The following RTEL1 variants were observed in gnomAD, a reference collection of about 807,000 sequenced individuals.
RTEL1 encodes the protein regulator of telomere elongation helicase 1, also known as regulator of telomere length.
A neutral mutation model predicts 162.2 loss-of-function variants in RTEL1; 86 were observed. That is an observed-to-expected ratio of 0.53 (90% CI 0.45 to 0.63). The LOEUF (loss-of-function observed/expected upper bound fraction) is 0.63, where lower values mean the gene tolerates loss of function less well. RTEL1 is among the 30% of genes least tolerant of loss of function. RTEL1 has a pLI of 0.00. For synonymous variants in RTEL1, 958 were observed against 717.9 expected (o/e 1.33, Z -5.35); for missense variants, 1,941 against 1,750.2 (o/e 1.11, Z -1.95).
At chr20:63,692,605 A>G (rs1223626283) in intron 28 of RTEL1, 200 bp from the exon 29 acceptor site, 1 of 601,592 alleles carries the variant, frequency 1.7e-6, no homozygotes, top group Admixed American at 2.9e-5. Flanking sequence ...TCACTGTGTG[A>G]CCTCAGACGG....
chr20:63,690,705 C>T (rs967005062), intron 26 of RTEL1, 100 bp from the exon 27 acceptor site: 2 of 1,367,652 alleles, frequency 1.5e-6, no homozygotes, highest in Admixed American at 2.6e-5. Flanking sequence ...AGGCAGGACC[C>T]CAAGTGCTGG....
chr20:63,664,721 A>G (rs368361046), intron 6 of RTEL1, among the ~76,000 whole-genome samples: 2 of 152,274 alleles, frequency 1.3e-5, no homozygotes, highest in African/African-American at 4.8e-5. Context: ...CACCGGCCTG[A>G]GCATCTTCAG....
chr20:63,662,702 C>T (rs552804049), intron 5 of RTEL1, 75 bp downstream of exon 5: 161 of 1,602,718 alleles, frequency 1.0e-4, no homozygotes, highest in South Asian at 3.1e-4. Flanking sequence ...CCCCAGGCTG[C>T]GCTCCCGCTG....
intron 24 of RTEL1, 102 bp from the exon 25 acceptor site, chr20:63,689,985 G>A: frequency 6.4e-7 from 1 of 1,558,186 alleles, no homozygotes; most frequent in Non-Finnish European, 8.7e-7. Context: ...GGCTACTCGG[G>A]GTCAGCGTGG....
In RTEL1 at chr20:63,690,926, G is replaced by A. The variant is rs751482700; in HGVS notation, c.2535G>A (p.Ala845=). The A allele has an allele frequency of 1.2e-5, 19 of 1,555,458 alleles. No individual in the cohort carries two copies. The highest frequency in any genetic ancestry group is 2.7e-5 in the African/African-American group (2 of 73,428). Residue 845 remains alanine, a synonymous_variant, in exon 27 of 35, where the codon GCG becomes GCA. Coordinates refer to ENST00000360203, the MANE Select transcript of RTEL1 (RefSeq NM_001283009.2). ...LAALEHSEQR[A]GSPGEEQAHS... is the part of the protein sequence containing the mutation. ...CCCTGGAGCACAGCGAACAGCGGGC[G>A]GGGAGCCCTGGCGAGGAGCAGGTAC...
rs905372326 is a variant in RTEL1, at chr20:63,668,301, G to T, written c.699+748G>T. ...TGACGATGGCGTGGTGACGTTTCCA[G>T]ATCCCGTCGTTGGTTCGCTCATTCT... On this transcript the variant is annotated intron_variant, in intron 8 of 34. Coordinates refer to ENST00000360203, the MANE Select transcript of RTEL1 (RefSeq NM_001283009.2). The surrounding 1 kb of genome is among the most constrained non-coding windows in gnomAD (Gnocchi z 4.3). Among the ~76,000 whole-genome samples the T allele has an allele frequency of 6.6e-6, 1 of 152,180 alleles. No individual in the cohort carries two copies. Among genetic ancestry groups the T allele is most frequent in the African/African-American group, 2.4e-5 (1 of 41,430 alleles).
intron 8 of RTEL1, among the ~76,000 whole-genome samples, chr20:63,667,758 T>C (rs1369063087): frequency 6.6e-6 from 1 of 152,050 alleles, no homozygotes; most frequent in Non-Finnish European, 1.5e-5. Context: ...TTCTGAGCAG[T>C]CTGGGAGCGG....
intron 30 of RTEL1, among the ~76,000 whole-genome samples, chr20:63,693,978 C>T (rs1037285790): frequency 6.6e-6 from 1 of 151,512 alleles, no homozygotes; most frequent in Non-Finnish European, 1.5e-5. Context: ...GGGTGGAGTC[C>T]AAGTCTCCAG....
chr20:63,671,475 C>T (rs1055924773), intron 8 of RTEL1, among the ~76,000 whole-genome samples: 2 of 151,868 alleles, frequency 1.3e-5, no homozygotes, highest in Admixed American at 6.6e-5. Flanking sequence ...AAATGAACAT[C>T]TTAATGTGTG....
At chr20:63,684,179 G>T (rs1268845164) in intron 14 of RTEL1, among the ~76,000 whole-genome samples, 2 of 152,152 alleles carry the variant, frequency 1.3e-5, no homozygotes, top group Non-Finnish European at 2.9e-5. Flanking sequence ...GTCACCTGTG[G>T]GGGTGTGAAA....
intron 10 of RTEL1, among the ~76,000 whole-genome samples, chr20:63,674,631 G>A (rs1253402939): frequency 6.6e-6 from 1 of 151,834 alleles, no homozygotes; most frequent in Non-Finnish European, 1.5e-5. Context: ...AGCCTGGGAG[G>A]CAGAGCTTCC....
rs556377370 is a variant in RTEL1 at position 63,668,503 on chromosome 20, G to A, written c.699+950G>A. ...AGAGCAGAGGGAGGAGGCGGAGACC[G>A]AGCCAAGCGGGCCCAAGTGCGATGT... On this transcript the variant is annotated intron_variant, in intron 8 of 34. Coordinates refer to ENST00000360203, the MANE Select transcript of RTEL1 (RefSeq NM_001283009.2). This position sits in a 1 kb window ranked among gnomAD's most constrained non-coding sequence, Gnocchi z 4.3. 2.6e-5 allele frequency among the ~76,000 whole-genome samples: 4 copies of A among 152,244 alleles called. No individual in the cohort carries two copies. The highest frequency in any genetic ancestry group is 3.9e-4 in the East Asian group (2 of 5,174).
chr20:63,689,399 C>T (rs1300176859), intron 22 of RTEL1, 103 bp from the exon 23 acceptor site: 19 of 1,350,040 alleles, frequency 1.4e-5, no homozygotes, highest in South Asian at 6.0e-5. Context: ...TTCCTCCCAC[C>T]CCTGGTTGGG....
intron 20 of RTEL1, 28 bp downstream of exon 20, chr20:63,688,414 G>A: frequency 1.2e-6 from 2 of 1,609,254 alleles, no homozygotes; most frequent in Admixed American, 1.7e-5. Flanking sequence ...TCTGGGCGGG[G>A]TGGGTGAGGG....
chr20:63,695,031 G>T (rs1432940512), intron 32 of RTEL1, 35 bp from the exon 33 acceptor site: 7 of 1,609,914 alleles, frequency 4.3e-6, no homozygotes. Flanking sequence ...GGACAAAATG[G>T]GGGCTGTGCC....
rs766455704 is a variant in RTEL1, at chr20:63,693,117, G to T, written c.2852-26G>T. On this transcript the variant is annotated intron_variant, in intron 29 of 34. Transcript: ENST00000360203. The stretch of plus-strand genomic sequence containing the variant: ...GTTCTCTAGAGAAAAAGGGGCAGAT[G>T]GGGACAGACGCCCCTTCCTCTACAG... The T allele has an allele frequency of 1.4e-5, 22 of 1,612,114 alleles. No homozygotes were observed. The South Asian group carries it at 2.1e-4, about 15-fold the overall frequency.
At chr20:63,683,500 C>T (rs2090520289) in intron 14 of RTEL1, among the ~76,000 whole-genome samples, 1 of 152,258 alleles carries the variant, frequency 6.6e-6, no homozygotes, top group South Asian at 2.1e-4. Context: ...CGTGCACATG[C>T]ATGCAGAGTA....
chr20:63,667,595 G>A (rs755388930), intron 8 of RTEL1, 42 bp downstream of exon 8: 1 of 1,494,714 alleles, frequency 6.7e-7, no homozygotes, highest in South Asian at 1.1e-5. Context: ...TGATGTCCAG[G>A]GGTGTCCCTG....
Position 63,690,825 on chromosome 20 carries a change from C to T in RTEL1, c.2434C>T (p.Pro812Ser). The T allele has an allele frequency of 1.2e-6, 2 of 1,605,502 alleles. No homozygotes were observed. Among genetic ancestry groups the T allele is most frequent in the South Asian group, 2.2e-5 (2 of 89,992 alleles). ...RSSGSPAAGD[P>S]ESSLCVEYEQ... ...TGCAGGGTCACCAGCTGCCGGGGAC[C>T]CCGAGAGTAGCCTGTGTGTGGAGTA... The change falls in exon 27 of 35, where the codon CCC (proline) becomes TCC (serine). Residue 812 changes from proline to serine, a missense_variant. Transcript: ENST00000360203.
Sources: allele counts gnomAD v4.1 joint callset (sites outside exome capture counted in the v4.1 genomes callset), GRCh38; gene constraint gnomAD v4.1.1; non-coding constraint Gnocchi (gnomAD v3.1); transcripts MANE v1.5; gene names NCBI Gene and HGNC (gene_info 2026-07-23, HGNC 2026-07-21).